The following FAM227B variants were observed in gnomAD, a reference collection of about 807,000 sequenced individuals.
The protein encoded by FAM227B is family with sequence similarity 227 member B.
A neutral mutation model predicts 73.8 loss-of-function variants in FAM227B; 88 were observed. The observed-to-expected ratio is 1.19, with a 90% CI of 1.00 to 1.42. The LOEUF is 1.42. Among genes scored for constraint, FAM227B ranks in the 40% most tolerant of loss-of-function variants. The pLI is 0.00. For synonymous variants in FAM227B, 210 were observed against 190.5 expected (o/e 1.10, Z -0.84); for missense variants, 632 against 590.9 (o/e 1.07, Z -0.72).
At chr15:49,586,480 CAA>C (rs1476147166) in intron 5 of FAM227B, among the ~76,000 whole-genome samples, 1 of 152,042 alleles carries the variant, frequency 6.6e-6, no homozygotes, top group Non-Finnish European at 1.5e-5. Context: ...TAGGTATGGG[CAA>C]AGATTTCATG....
intron 11 of FAM227B, among the ~76,000 whole-genome samples, chr15:49,396,668 T>A (rs1467165867): frequency 1.3e-5 from 2 of 151,670 alleles, no homozygotes; most frequent in African/African-American, 4.8e-5. Context: ...GCAGACTGCC[T>A]CCTCAAGTGG....
At chr15:49,374,767 C>T (rs1319210177) in intron 11 of FAM227B, among the ~76,000 whole-genome samples, 2 of 152,200 alleles carry the variant, frequency 1.3e-5, no homozygotes, top group Admixed American at 6.5e-5. Flanking sequence ...TGGTCTCGAA[C>T]TCCTGACCTC....
chr15:49,602,575 T>A (rs2077274369), intron 3 of FAM227B, among the ~76,000 whole-genome samples: 1 of 152,228 alleles, frequency 6.6e-6, no homozygotes, highest in Admixed American at 6.5e-5. Flanking sequence ...TTTGCAAGTA[T>A]TTCCTCCCAT....
chr15:49,595,680 C>A (rs2076845754), intron 3 of FAM227B, among the ~76,000 whole-genome samples: 1 of 150,466 alleles, frequency 6.6e-6, no homozygotes, highest in Non-Finnish European at 1.5e-5. Context: ...CAAGAAAGCA[C>A]CGAGAAAGGG....
At chr15:49,583,213 A>T (rs199640155) in intron 5 of FAM227B, among the ~76,000 whole-genome samples, 8,253 of 151,112 alleles carry the variant, frequency 0.055, 323 homozygotes, top group East Asian at 0.12. Flanking sequence ...TTTTTTTTTT[A>T]ATTAACAAAA....
At chr15:49,580,343 A>G (rs946340869) in intron 5 of FAM227B, among the ~76,000 whole-genome samples, 1 of 152,210 alleles carries the variant, frequency 6.6e-6, no homozygotes, top group African/African-American at 2.4e-5. Flanking sequence ...CTTAAGCACC[A>G]TCTACTGAAT....
chr15:49,559,942 G>GAA (rs57124305), intron 9 of FAM227B, among the ~76,000 whole-genome samples: 17 of 146,692 alleles, frequency 1.2e-4, no homozygotes, highest in Non-Finnish European at 1.7e-4. Flanking sequence ...AGACTGTCTC[G>GAA]AAAAAAAAAA....
chr15:49,576,953 T>C, intron 6 of FAM227B, 108 bp from the exon 7 acceptor site: 1 of 611,746 alleles, frequency 1.6e-6, no homozygotes, highest in Non-Finnish European at 2.8e-6. Flanking sequence ...ACTAACATAA[T>C]TACTTTACTT....
intron 13 of FAM227B, chr15:49,343,511 C>A (rs1469358824): frequency 6.6e-6 from 1 of 152,144 alleles, no homozygotes; most frequent in Non-Finnish European, 1.5e-5. Flanking sequence ...ACTGTATTTT[C>A]ACTTACATGA....
At chr15:49,452,922 G>A (rs1369558202) in intron 11 of FAM227B, among the ~76,000 whole-genome samples, 1 of 152,126 alleles carries the variant, frequency 6.6e-6, no homozygotes, top group Non-Finnish European at 1.5e-5. Flanking sequence ...ATATTTCAAA[G>A]TCAGGAATTT....
chr15:49,379,366 G>A (rs936698029), intron 11 of FAM227B, among the ~76,000 whole-genome samples: 2 of 152,090 alleles, frequency 1.3e-5, no homozygotes, highest in Non-Finnish European at 2.9e-5. Flanking sequence ...TTGATTTTGA[G>A]TAGGATTGGT....
intron 10 of FAM227B, among the ~76,000 whole-genome samples, chr15:49,512,554 T>G (rs1456514001): frequency 6.6e-6 from 1 of 152,078 alleles, no homozygotes; most frequent in African/African-American, 2.4e-5. Flanking sequence ...TTCGATAAGG[T>G]GCCTATTCAA....
intron 9 of FAM227B, among the ~76,000 whole-genome samples, chr15:49,558,941 A>G (rs1417895391): frequency 6.7e-6 from 1 of 150,330 alleles, no homozygotes; most frequent in African/African-American, 2.4e-5. Context: ...CCGCCCACCC[A>G]CCATTTACAA....
chr15:49,542,444 G>C (rs2071208072), intron 9 of FAM227B, among the ~76,000 whole-genome samples: 1 of 152,044 alleles, frequency 6.6e-6, no homozygotes, highest in African/African-American at 2.4e-5. Context: ...AATGTGCACA[G>C]TACCCAATTT....
At chr15:49,443,764 C>T (rs1193139965) in intron 11 of FAM227B, among the ~76,000 whole-genome samples, 1 of 151,662 alleles carries the variant, frequency 6.6e-6, no homozygotes, top group Non-Finnish European at 1.5e-5. Flanking sequence ...TCCTCTATTA[C>T]AACCATGGTT....
At chr15:49,364,707 A>G (rs1485162543) in intron 13 of FAM227B, among the ~76,000 whole-genome samples, 1 of 152,208 alleles carries the variant, frequency 6.6e-6, no homozygotes, top group East Asian at 1.9e-4. Flanking sequence ...ATGGTCTTAA[A>G]CAGTTATTTC....
rs1200029426 is a variant in FAM227B at position 49,525,681 on chromosome 15, T to C, written c.874+15999A>G. Among the ~76,000 whole-genome samples, 105 of 49,190 alleles carry C rather than the reference T, an allele frequency of 2.1e-3. 4 individuals carry two copies. Among genetic ancestry groups the C allele is most frequent in the South Asian group, 5.7e-3 (9 of 1,580 alleles). 32.3% of individuals were successfully genotyped at this position (49,190 alleles called of 152,430 possible). On this transcript the variant is annotated intron_variant, in intron 10 of 15. Coordinates refer to ENST00000299338, the MANE Select transcript of FAM227B (RefSeq NM_152647.3). ...GGGTGGAGAAATATATATATATATA[T>C]ATATATATATATATATATATATATA... is the stretch of plus-strand genomic sequence containing the variant.
chr15:49,599,906 A>G (rs1030858561), intron 3 of FAM227B, among the ~76,000 whole-genome samples: 1 of 152,152 alleles, frequency 6.6e-6, no homozygotes, highest in Non-Finnish European at 1.5e-5. Flanking sequence ...AATGATCTGT[A>G]TGTGTCTGTT....
chr15:49,424,519 G>A (rs183624878), intron 11 of FAM227B: 1 of 1,612,302 alleles, frequency 6.2e-7, no homozygotes, highest in Non-Finnish European at 8.5e-7. Flanking sequence ...GTCGAACACA[G>A]TGGTACCTGA....
Sources: gnomAD v4.1 joint callset for allele counts (sites outside exome capture counted in the v4.1 genomes callset) on GRCh38, gnomAD v4.1.1 for gene constraint, MANE v1.5 for transcripts, NCBI Gene and HGNC (gene_info 2026-07-23, HGNC 2026-07-21) for gene names.